Variants in ESRP1 observed in about 807,000 individuals in gnomAD.
ESRP1 encodes the protein epithelial splicing regulatory protein 1.
A neutral mutation model predicts 81.7 loss-of-function variants in ESRP1; 33 were observed. The observed-to-expected ratio is 0.40, with a 90% CI of 0.31 to 0.54. ESRP1 has a LOEUF of 0.54. Ranked by LOEUF, ESRP1 falls within the 20% of genes least tolerant of loss-of-function variation. The pLI, the probability that ESRP1 is intolerant of heterozygous loss-of-function variation, is 0.41. For missense variants in ESRP1, 672 were observed against 833.1 expected, an observed-to-expected ratio of 0.81 and a Z score of 2.38; for synonymous variants, 320 against 303.3, an observed-to-expected ratio of 1.06 and a Z score of -0.57.
At position 94,642,961 on chromosome 8, in the gene ESRP1, T is replaced by C. The variant is rs575342718; in HGVS notation, c.262-342T>C. ...TTCTTAAGCCTGGCACATCCAAACA[T>C]ATAAAAAGTAACACTAGGGAATGAT... On this transcript the variant is annotated intron_variant, in intron 2 of 15. Transcript: ENST00000433389. 2.0e-5 allele frequency among the ~76,000 whole-genome samples: 3 copies of C among 152,272 alleles called. No homozygotes were observed. The South Asian group carries it at 6.2e-4, about 32-fold the overall frequency.
intron 15 of ESRP1, among the ~76,000 whole-genome samples, chr8:94,701,895 G>A (rs1809854902): frequency 6.6e-6 from 1 of 152,160 alleles, no homozygotes. Flanking sequence ...CCTGGGCAAT[G>A]TGGTGAGACC....
intron 14 of ESRP1, 112 bp downstream of exon 14, chr8:94,692,939 T>A: frequency 2.6e-6 from 3 of 1,157,218 alleles, no homozygotes; most frequent in Non-Finnish European, 3.6e-6. Flanking sequence ...TGTGTATATA[T>A]GCTAATGGAT....
intron 13 of ESRP1, among the ~76,000 whole-genome samples, chr8:94,688,988 C>T (rs143881435): frequency 3.3e-4 from 50 of 152,244 alleles, no homozygotes; most frequent in Middle Eastern, 6.8e-3. Context: ...TGGTGGCTCA[C>T]GCCTGTAATC....
intron 4 of ESRP1, 90 bp downstream of exon 4, chr8:94,646,372 C>T (rs1817851862): frequency 1.1e-6 from 1 of 873,536 alleles, no homozygotes; most frequent in Non-Finnish European, 1.7e-6. Flanking sequence ...TAAATTTTGT[C>T]AGCATATGGA....
chr8:94,675,716 A>T (rs780703689), intron 12 of ESRP1, among the ~76,000 whole-genome samples: 1 of 152,186 alleles, frequency 6.6e-6, no homozygotes, highest in Non-Finnish European at 1.5e-5. Context: ...GTGTGACCCA[A>T]ATTCTGCTTT....
At chr8:94,681,408 T>A (rs1454040839) in intron 13 of ESRP1, among the ~76,000 whole-genome samples, 1 of 143,024 alleles carries the variant, frequency 7.0e-6, no homozygotes, top group Non-Finnish European at 1.5e-5. Flanking sequence ...GAGGCTGAGA[T>A]GGGCAAATCA....
At chr8:94,646,308 A>C in intron 4 of ESRP1, 26 bp downstream of exon 4, 1 of 1,360,532 alleles carries the variant, frequency 7.4e-7, no homozygotes, top group Non-Finnish European at 1.0e-6. Flanking sequence ...TTACTCAAGA[A>C]TCATTTGAAA....
intron 15 of ESRP1, among the ~76,000 whole-genome samples, chr8:94,702,007 G>C (rs1403747016): frequency 6.6e-6 from 1 of 152,194 alleles, no homozygotes; most frequent in African/African-American, 2.4e-5. Flanking sequence ...CAGCCCAGGA[G>C]GTCGAGGTTG....
chr8:94,655,355 G>C (rs568315255), intron 4 of ESRP1, among the ~76,000 whole-genome samples: 8 of 150,344 alleles, frequency 5.3e-5, no homozygotes, highest in African/African-American at 2.0e-4. Context: ...CCTAAATGCT[G>C]GGATTACAGG....
chr8:94,658,242 G>C (rs1818537103), intron 4 of ESRP1, among the ~76,000 whole-genome samples: 1 of 152,090 alleles, frequency 6.6e-6, no homozygotes, highest in Non-Finnish European at 1.5e-5. Flanking sequence ...CAACTGTTTG[G>C]TTTTGCTGTA....
intron 3 of ESRP1, among the ~76,000 whole-genome samples, chr8:94,643,772 TAC>T (rs1022092286): frequency 6.6e-6 from 1 of 152,080 alleles, no homozygotes; most frequent in African/African-American, 2.4e-5. Context: ...CCGAAGCTAA[TAC>T]AGAGTGTGAA....
At chr8:94,671,697 T>G (rs1672788656) in intron 11 of ESRP1, 26 bp downstream of exon 11, 1 of 1,577,876 alleles carries the variant, frequency 6.3e-7, no homozygotes, top group Admixed American at 1.7e-5. Context: ...AGTGGAAAAC[T>G]TATTTGCTTT....
chr8:94,654,273 G>A (rs536854878), intron 4 of ESRP1, among the ~76,000 whole-genome samples: 3 of 152,106 alleles, frequency 2.0e-5, no homozygotes, highest in Admixed American at 6.5e-5. Context: ...AGTCAAGATC[G>A]CACCATTTTA....
intron 9 of ESRP1, among the ~76,000 whole-genome samples, chr8:94,667,068 G>GGGGGGTGTGTGTGTGTGT (rs1554577644): frequency 3.5e-4 from 51 of 144,320 alleles, no homozygotes; most frequent in African/African-American, 1.3e-3. Flanking sequence ...CCAGGAGAGG[G>GGGGGGTGTGTGTGTGTGT]GTGTGTGTGT....
At chr8:94,664,895 T>TC (rs1174452448) in intron 7 of ESRP1, 32 bp from the exon 8 acceptor site, 5 of 1,609,586 alleles carry the variant, frequency 3.1e-6, no homozygotes, top group Non-Finnish European at 3.4e-6. Flanking sequence ...TATTTTTTTT[T>TC]CTACCTGCTG....
At chr8:94,704,766 GAAAAAAAAAAAA>G (rs10618511) in intron 15 of ESRP1, among the ~76,000 whole-genome samples, 2 of 108,752 alleles carry the variant, frequency 1.8e-5, no homozygotes, top group Non-Finnish European at 3.7e-5. Flanking sequence ...ATCTCTTTTT[GAAAAAAAAAAAA>G]AAAAAAAAAA....
At position 94,686,899 on chromosome 8, in the gene ESRP1, T is replaced by C. The variant is rs1221455867; in HGVS notation, c.1821-5778T>C. Among the ~76,000 whole-genome samples, 4 of 152,316 alleles carry C rather than the reference T, an allele frequency of 2.6e-5. No individual in the cohort carries two copies. In the South Asian group the frequency reaches 6.2e-4, roughly 24 times the overall value. On this transcript the variant is annotated intron_variant, in intron 13 of 15. Transcript: ENST00000433389. ...TAGAAAATTTCATGCTTAATCCTTA[T>C]ATTTCTCTAAACTACTGCCATAAAG...
rs149179349 is a variant in ESRP1 at position 94,664,633 on chromosome 8, G to A, written c.645-64G>A. 1.6e-4 allele frequency: 188 copies of A among 1,139,624 alleles called. 1 individual carries two copies. In the African/African-American group the frequency reaches 2.5e-3, roughly 15 times the overall value. 70.6% of individuals were successfully genotyped at this position (1,139,624 alleles called of 1,614,324 possible). On this transcript the variant is annotated intron_variant, in intron 6 of 15. Coordinates refer to ENST00000433389, the MANE Select transcript of ESRP1 (RefSeq NM_017697.4). ...GTGTAACTAGGCAGTTGTCTTGCAG[G>A]GGGTAATAGGTGTCTGACTTGCTAG...
chr8:94,644,155 A>C (rs1044079280), intron 3 of ESRP1, among the ~76,000 whole-genome samples: 2 of 152,220 alleles, frequency 1.3e-5, no homozygotes, highest in Admixed American at 6.5e-5. Context: ...CCCTGGGATA[A>C]ATACTGAGGG....
Sources: gnomAD v4.1 joint callset for allele counts (sites outside exome capture counted in the v4.1 genomes callset) on GRCh38, gnomAD v4.1.1 for gene constraint, MANE v1.5 for transcripts, NCBI Gene and HGNC (gene_info 2026-07-23, HGNC 2026-07-21) for gene names.